VPS13D: variants seen among roughly 807,000 people sequenced by gnomAD.
The protein encoded by VPS13D is intermembrane lipid transfer protein VPS13D.
In VPS13D, 187 loss-of-function variants were observed where a neutral mutation model predicts 461.9. The ratio of observed to expected loss-of-function variants is 0.40; its 90% CI spans 0.36 to 0.46. The LOEUF is 0.46. VPS13D is among the 20% of genes least tolerant of loss of function. VPS13D has a pLI of 0.60. For missense variants in VPS13D, 4,711 were observed against 5,364.9 expected (o/e 0.88, Z 3.81); for synonymous variants, 1,951 against 1,986.3 (o/e 0.98, Z 0.47).
rs57250432 is a variant in VPS13D, at chr1:12,397,519, A to G, written c.11635-2662A>G. Among the ~76,000 whole-genome samples, 701 of 152,270 alleles carry G rather than the reference A, an allele frequency of 4.6e-3. 6 individuals carry two copies. The highest frequency in any genetic ancestry group is 0.016 in the African/African-American group (665 of 41,550). ...TTTATTGCCATTTCATATTTGGATG[A>G]GATAGGTAATGATTCATTCATTCAG... On this transcript the variant is annotated intron_variant, in intron 60 of 69. Coordinates refer to ENST00000620676, the MANE Select transcript of VPS13D (RefSeq NM_015378.4).
Position 12,328,043 on chromosome 1 carries a change from G to C in VPS13D, c.8197+189G>C, listed in dbSNP as rs140103699. ...TTTTATTTGCCATATGTGGCCTTCA[G>C]CCTATAGCTTGGGAATAGGAATGGT... On this transcript the variant is annotated intron_variant, in intron 36 of 69. Coordinates refer to ENST00000620676, the MANE Select transcript of VPS13D (RefSeq NM_015378.4). 3.8e-3 allele frequency among the ~76,000 whole-genome samples: 571 copies of C among 152,126 alleles called. 3 individuals carry two copies. Among genetic ancestry groups the C allele is most frequent in the African/African-American group, 0.013 (550 of 41,494 alleles).
At chr1:12,496,529 C>G (rs1645959368) in intron 67 of VPS13D, among the ~76,000 whole-genome samples, 1 of 152,208 alleles carries the variant, frequency 6.6e-6, no homozygotes, top group South Asian at 2.1e-4. Context: ...TGTAAGGCTT[C>G]TCCTCTCTTT....
chr1:12,386,378 C>T, intron 60 of VPS13D, 44 bp downstream of exon 60: 1 of 1,543,560 alleles, frequency 6.5e-7, no homozygotes. Context: ...TGTTTTCATG[C>T]TGATCACCCA....
At chr1:12,244,206 T>C in intron 3 of VPS13D, 40 bp from the exon 4 acceptor site, 1 of 1,553,160 alleles carries the variant, frequency 6.4e-7, no homozygotes, top group Non-Finnish European at 8.7e-7. Flanking sequence ...GAATTAAAAA[T>C]GTGTACAGAT....
At chr1:12,433,154 G>C in intron 65 of VPS13D, among the ~76,000 whole-genome samples, 1 of 152,168 alleles carries the variant, frequency 6.6e-6, no homozygotes. Context: ...GGCCTGGCTG[G>C]GGGCTGTAAC....
At chr1:12,328,128 T>C (rs1312195249) in intron 36 of VPS13D, among the ~76,000 whole-genome samples, 3 of 152,202 alleles carry the variant, frequency 2.0e-5, no homozygotes, top group Admixed American at 6.5e-5. Context: ...ATCTCTTCAT[T>C]TTTCTTATCT....
intron 19 of VPS13D, among the ~76,000 whole-genome samples, chr1:12,278,411 C>T (rs1329584148): frequency 1.3e-5 from 2 of 152,036 alleles, no homozygotes; most frequent in Non-Finnish European, 2.9e-5. Flanking sequence ...GCTGGGATTA[C>T]TTACAGGCAC....
chr1:12,486,419 G>A (rs895736858), intron 67 of VPS13D, among the ~76,000 whole-genome samples: 5 of 152,204 alleles, frequency 3.3e-5, no homozygotes, highest in African/African-American at 7.2e-5. Flanking sequence ...AGCTAGTGCC[G>A]TGACCTGATC....
At chr1:12,253,882 G>C (rs948057400) in intron 7 of VPS13D, 56 bp downstream of exon 7, 1 of 1,412,680 alleles carries the variant, frequency 7.1e-7, no homozygotes, top group Non-Finnish European at 1.0e-6. Flanking sequence ...AAGCGGCGTA[G>C]GGTCACTGCC....
chr1:12,304,635 G>T lies in VPS13D; in HGVS notation c.6346G>T (p.Gly2116Ter). 6.2e-7 allele frequency: 1 copy of T among 1,614,038 alleles called. No homozygotes were observed. The highest frequency in any genetic ancestry group is 8.5e-7 in the Non-Finnish European group (1 of 1,180,004). The change falls in exon 26 of 70, where the codon GGA becomes TGA. Residue 2116 changes from glycine (G) to a stop codon, truncating the protein, a stop_gained. Coordinates refer to ENST00000620676, the MANE Select transcript of VPS13D (RefSeq NM_015378.4). LOFTEE classifies it high-confidence loss of function. ...FTMPLAGMSL[G>*]SLKSEFVPST... The stretch of plus-strand genomic sequence containing the variant: ...GATGCCTCTTGCTGGAATGAGCCTA[G>T]GAAGCCTGAAGAGTGAGTTTGTGCC...
Position 12,510,005 on chromosome 1 carries a change from T to C in VPS13D, c.*981T>C, listed in dbSNP as rs1646161898. 1 of 152,192 alleles carries C rather than the reference T, an allele frequency of 6.6e-6. No individual in the cohort carries two copies. Among genetic ancestry groups the C allele is most frequent in the Non-Finnish European group, 1.5e-5 (1 of 68,040 alleles). The allele number at this position is 152,192 out of a possible 1,614,324, so 9.4% of individuals were successfully genotyped here. On this transcript the variant is annotated 3_prime_UTR_variant, in exon 70 of 70. Transcript: ENST00000620676. Reference sequence around the variant, plus strand: ...CAAAGCCCCGGGACTGTTTTCTTTTTAATAAAGCCACAGGCAGGCATCGTA... The same window carrying C: ...CAAAGCCCCGGGACTGTTTTCTTTTCAATAAAGCCACAGGCAGGCATCGTA...
At chr1:12,482,637 A>G (rs1645734420) in intron 67 of VPS13D, among the ~76,000 whole-genome samples, 1 of 152,106 alleles carries the variant, frequency 6.6e-6, no homozygotes, top group African/African-American at 2.4e-5. Flanking sequence ...CACTTCAAAG[A>G]AGAAAATAAA....
intron 63 of VPS13D, 149 bp from the exon 64 acceptor site, chr1:12,414,938 T>C: frequency 1.2e-6 from 1 of 869,166 alleles, no homozygotes; most frequent in Non-Finnish European, 1.7e-6. Context: ...CTTTTATAGT[T>C]ATAGGGAAAA....
intron 27 of VPS13D, among the ~76,000 whole-genome samples, chr1:12,309,238 G>A (rs968923991): frequency 2.1e-5 from 3 of 141,532 alleles, no homozygotes; most frequent in Non-Finnish European, 3.0e-5. Flanking sequence ...TTGAGATGGA[G>A]TCTCACTCTG....
rs761891749 is a variant in VPS13D at position 12,267,936 on chromosome 1, T to C, written c.1801+16T>C. On this transcript the variant is annotated intron_variant, in intron 15 of 69. Coordinates refer to ENST00000620676, the MANE Select transcript of VPS13D (RefSeq NM_015378.4). ...CATTACCCAGGTAATTTGTCCTATG[T>C]TGTTTTTTTAAAATTTTTAAATTTT... The C allele has an allele frequency of 6.3e-7, 1 of 1,588,712 alleles. No homozygotes were observed. Among genetic ancestry groups the C allele is most frequent in the Admixed American group, 1.8e-5 (1 of 54,382 alleles).
In VPS13D at chr1:12,258,095, G is replaced by A. The variant is rs1482585434; in HGVS notation, c.1102G>A (p.Asp368Asn). ...NKLKGGLLST[D>N]DKEEMCRIEE... ...GTTAAAAGGAGGCCTGCTGTCCACA[G>A]ATGACAAGGTAAGTGGACTGTGGTC... is the stretch of plus-strand genomic sequence containing the variant. Residue 368 changes from aspartate (D) to asparagine (N), a missense_variant, in exon 10 of 70, where the codon GAT becomes AAT. Around this residue, in one of 3 missense-constraint regions of VPS13D, gnomAD observed 4,411 missense variants for 4,937.8 expected, o/e 0.89. Transcript: ENST00000620676. 1 of 1,614,086 alleles carries A rather than the reference G, an allele frequency of 6.2e-7. No homozygotes were observed. Among genetic ancestry groups the A allele is most frequent in the African/African-American group, 1.3e-5 (1 of 74,934 alleles).
rs181372213 is a variant in VPS13D at position 12,343,676 on chromosome 1, C to T, written c.8885+625C>T. ...AGGCGTGAGCCACTGCACCCAGCCT[C>T]CTTTTAAAAAATAAAGACTTTGCTG... On this transcript the variant is annotated intron_variant, in intron 42 of 69. Transcript: ENST00000620676. Among the ~76,000 whole-genome samples the T allele has an allele frequency of 1.4e-4, 21 of 152,242 alleles. 1 individual carries two copies. In the East Asian group the frequency reaches 4.0e-3, roughly 29 times the overall value.
At chr1:12,488,669 CAAAAAAAAAA>C (rs79424685) in intron 67 of VPS13D, among the ~76,000 whole-genome samples, 5 of 82,820 alleles carry the variant, frequency 6.0e-5, no homozygotes, top group African/African-American at 1.8e-4. Context: ...TCATTTGAAC[CAAAAAAAAAA>C]AAAAAAAAAA....
chr1:12,307,840 G>A (rs1642611268), intron 26 of VPS13D, among the ~76,000 whole-genome samples: 1 of 152,160 alleles, frequency 6.6e-6, no homozygotes, highest in African/African-American at 2.4e-5. Context: ...TATAAAATAA[G>A]TGAATGTTAT....
Sources: gnomAD v4.1 joint callset for allele counts (sites outside exome capture counted in the v4.1 genomes callset) on GRCh38, gnomAD v4.1.1 for gene constraint, gnomAD v4.1.1 regional missense constraint, MANE v1.5 for transcripts, NCBI Gene and HGNC (gene_info 2026-07-23, HGNC 2026-07-21) for gene names.